Variants in PHACTR2 observed in about 807,000 individuals in gnomAD.
PHACTR2 encodes phosphatase and actin regulator 2, also known as chromosome 6 open reading frame 56.
PHACTR2 carries 30 observed loss-of-function variants against 76.0 expected under a neutral mutation model. That is an observed-to-expected ratio of 0.39 (90% CI 0.30 to 0.54). The LOEUF (loss-of-function observed/expected upper bound fraction) is 0.54. PHACTR2 is among the 20% of genes least tolerant of loss of function. The probability of loss-of-function intolerance (pLI) is 0.61; values close to 1 mark genes in which losing one functional copy is unlikely to be tolerated. For synonymous variants in PHACTR2, 292 were observed against 292.5 expected, an observed-to-expected ratio of 1.00 and a Z score of 0.02; for missense variants, 696 against 781.1, an observed-to-expected ratio of 0.89 and a Z score of 1.30.
At chr6:143,569,199 G>A (rs1341776196) in intron 1 of PHACTR2, among the ~76,000 whole-genome samples, 2 of 152,208 alleles carry the variant, frequency 1.3e-5, no homozygotes, top group African/African-American at 4.8e-5. Flanking sequence ...GAGGGAAAGA[G>A]GTGTGTTACT....
chr6:143,638,923 T>C (rs1414366452), intron 1 of PHACTR2, among the ~76,000 whole-genome samples: 1 of 152,138 alleles, frequency 6.6e-6, no homozygotes, highest in East Asian at 1.9e-4. Flanking sequence ...ATCAGTAGTT[T>C]ACAAAATTTA....
At chr6:143,608,031 C>T, upstream of PHACTR2, 1 of 471,042 alleles carries the variant, frequency 2.1e-6, no homozygotes, top group South Asian at 3.7e-5. This position sits in a 1 kb window ranked among gnomAD's most constrained non-coding sequence, Gnocchi z 4.6. Context: ...ATTTTTTTCC[C>T]CCTCCTTAGC....
In PHACTR2 at chr6:143,818,782, C is replaced by T. The variant is rs1776355675; in HGVS notation, c.1923-4892C>T. 6.6e-6 allele frequency among the ~76,000 whole-genome samples: 1 copy of T among 152,148 alleles called. No homozygotes were observed. The highest frequency in any genetic ancestry group is 2.4e-5 in the African/African-American group (1 of 41,436). On this transcript the variant is annotated intron_variant, in intron 12 of 12. Coordinates refer to ENST00000440869, the MANE Select transcript of PHACTR2 (RefSeq NM_001100164.2). The surrounding 1 kb of genome is among the most constrained non-coding windows in gnomAD (Gnocchi z 4.9). Reference sequence around the variant, plus strand: ...GAAACCACTCGCCTGATTCAATTACCTCCCACCAGGTCCCTCCCACAACAT... The same window carrying T: ...GAAACCACTCGCCTGATTCAATTACTTCCCACCAGGTCCCTCCCACAACAT...
chr6:143,811,656 A>G lies in PHACTR2; in HGVS notation c.1922+4523A>G, dbSNP rs1434143712. The stretch of plus-strand genomic sequence containing the variant: ...TGCTTAAGTATTCTTAAACCTTGGC[A>G]GTAAAGCAAATGTTACTGCTATTTT... On this transcript the variant is annotated intron_variant, in intron 12 of 12. Coordinates refer to ENST00000440869, the MANE Select transcript of PHACTR2 (RefSeq NM_001100164.2). This position sits in a 1 kb window ranked among gnomAD's most constrained non-coding sequence, Gnocchi z 4.1. Among the ~76,000 whole-genome samples, 4 of 152,228 alleles carry G rather than the reference A, an allele frequency of 2.6e-5. No homozygotes were observed. Among genetic ancestry groups the G allele is most frequent in the African/African-American group, 9.6e-5 (4 of 41,460 alleles).
chr6:143,544,628 G>A (rs1283492715), intron 1 of PHACTR2, among the ~76,000 whole-genome samples: 1 of 152,202 alleles, frequency 6.6e-6, no homozygotes, highest in African/African-American at 2.4e-5. Flanking sequence ...ACCTTCGCAT[G>A]CTTCCATTGT....
rs1775303760 is a variant in PHACTR2 at position 143,777,233 on chromosome 6, C to T, written c.1590-95C>T. On this transcript the variant is annotated intron_variant, in intron 8 of 12. Coordinates refer to ENST00000440869, the MANE Select transcript of PHACTR2 (RefSeq NM_001100164.2). The surrounding 1 kb of genome is among the most constrained non-coding windows in gnomAD (Gnocchi z 4.6). ...GCTTTAAAAATGGATTTTTATTTCT[C>T]AAAACATGAAAAATAGAGCTTTGTT... The T allele has an allele frequency of 1.5e-6, 1 of 646,776 alleles. No homozygotes were observed. Among genetic ancestry groups the T allele is most frequent in the African/African-American group, 1.9e-5 (1 of 52,828 alleles). 40.1% of individuals were successfully genotyped at this position (646,776 alleles called of 1,614,324 possible). A position where few individuals can be genotyped will look rare whatever the true frequency, so the allele number is the denominator to read the frequency against.
chr6:143,755,393 C>T lies in PHACTR2; in HGVS notation c.454+1481C>T. On this transcript the variant is annotated intron_variant, in intron 4 of 12. Coordinates refer to ENST00000440869, the MANE Select transcript of PHACTR2 (RefSeq NM_001100164.2). The surrounding 1 kb of genome is among the most constrained non-coding windows in gnomAD (Gnocchi z 5.2). Reference sequence around the variant, plus strand: ...ATCCTGCATTACGTAACAGTGCCATCTCTGGTGCCTGGTCCGTGCAGGGTA... The same window carrying T: ...ATCCTGCATTACGTAACAGTGCCATTTCTGGTGCCTGGTCCGTGCAGGGTA... 4.4e-6 allele frequency: 2 copies of T among 456,076 alleles called. No individual in the cohort carries two copies. The highest frequency in any genetic ancestry group is 1.5e-5 in the South Asian group (1 of 64,564). 28.3% of individuals were successfully genotyped at this position (456,076 alleles called of 1,614,324 possible).
rs1286461226 is a variant in PHACTR2, at chr6:143,710,957, G to T, written c.47-1059G>T. 3 of 469,846 alleles carry T rather than the reference G, an allele frequency of 6.4e-6. No homozygotes were observed. The highest frequency in any genetic ancestry group is 1.2e-5 in the Non-Finnish European group (3 of 240,852). The allele number at this position is 469,846 out of a possible 1,614,324, so 29.1% of individuals were successfully genotyped here. ...ATCTATCCAGTTATTATTTTTGACG[G>T]ACATCAGTACACTTCACCTCTAAAC... On this transcript the variant is annotated intron_variant, in intron 1 of 12. Transcript: ENST00000440869. This position sits in a 1 kb window ranked among gnomAD's most constrained non-coding sequence, Gnocchi z 4.9.
chr6:143,700,329 C>T lies in PHACTR2; in HGVS notation c.47-11687C>T, dbSNP rs570302298. Among the ~76,000 whole-genome samples, 3 of 152,140 alleles carry T rather than the reference C, an allele frequency of 2.0e-5. No homozygotes were observed. Among genetic ancestry groups the T allele is most frequent in the East Asian group, 1.9e-4 (1 of 5,176 alleles). ...AAACACTTTGGGAGGCTGAGGTGGG[C>T]GGATCACTTGAGCTTAGGAGTTTGA... On this transcript the variant is annotated intron_variant, in intron 1 of 12. Coordinates refer to ENST00000440869, the MANE Select transcript of PHACTR2 (RefSeq NM_001100164.2). The surrounding 1 kb of genome is among the most constrained non-coding windows in gnomAD (Gnocchi z 4.1).
At chr6:143,711,798 G>A (rs772262526) in intron 1 of PHACTR2, 6 of 722,664 alleles carry the variant, frequency 8.3e-6, no homozygotes, top group South Asian at 8.2e-5. Flanking sequence ...CTTCTAGTCT[G>A]TTTCCCCAGA....
At chr6:143,812,153 G>C (rs940569194) in intron 12 of PHACTR2, among the ~76,000 whole-genome samples, 12 of 152,104 alleles carry the variant, frequency 7.9e-5, no homozygotes, top group African/African-American at 2.4e-4. Context: ...TGATGTACTG[G>C]TGTACAATGG....
chr6:143,642,973 C>T (rs1663724229), intron 1 of PHACTR2, among the ~76,000 whole-genome samples: 1 of 152,158 alleles, frequency 6.6e-6, no homozygotes, highest in Non-Finnish European at 1.5e-5. Context: ...TATTAATTTG[C>T]TTGGAAGTTG....
At chr6:143,604,947 G>A (rs1028952703), upstream of PHACTR2, among the ~76,000 whole-genome samples, 1 of 150,438 alleles carries the variant, frequency 6.6e-6, no homozygotes, top group East Asian at 1.9e-4. Context: ...AGGGAGCCAA[G>A]ACATTATCTT....
intron 1 of PHACTR2, among the ~76,000 whole-genome samples, chr6:143,692,272 G>GT (rs1010980763): frequency 6.6e-6 from 1 of 152,116 alleles, no homozygotes; most frequent in African/African-American, 2.4e-5. Context: ...GGGATTTTGT[G>GT]TTTTTCAAAA....
At chr6:143,631,712 T>G (rs925060358) in intron 1 of PHACTR2, among the ~76,000 whole-genome samples, 4 of 152,210 alleles carry the variant, frequency 2.6e-5, no homozygotes, top group Non-Finnish European at 4.4e-5. Context: ...AAGTTCAGTC[T>G]GCAGTCTGGT....
At chr6:143,560,916 T>C (rs1193311898) in intron 1 of PHACTR2, among the ~76,000 whole-genome samples, 1 of 150,912 alleles carries the variant, frequency 6.6e-6, no homozygotes, top group Non-Finnish European at 1.5e-5. Flanking sequence ...TGTGTGTGTG[T>C]GTGTGTGTGT....
rs1441582911 is a variant in PHACTR2 at position 143,628,922 on chromosome 6, GAGATATATATATATATATATATAT to G, written c.13+20602_13+20625del. ...AAAGAAGATGAATGTTTAAATGCAG[GAGATATATATATATATATATATAT>G]ATATATATATATATATATATATATA... On this transcript the variant is annotated intron_variant, in intron 1 of 11. Transcript: ENST00000305766. 3.1e-3 allele frequency among the ~76,000 whole-genome samples: 326 copies of G among 104,496 alleles called. 12 individuals carry two copies. The highest frequency in any genetic ancestry group is 0.01 in the African/African-American group (260 of 25,614). The allele number at this position is 104,496 out of a possible 152,430, so 68.6% of individuals were successfully genotyped here.
intron 1 of PHACTR2, among the ~76,000 whole-genome samples, chr6:143,563,387 AC>A (rs1336653566): frequency 1.0e-5 from 1 of 99,510 alleles, no homozygotes; most frequent in Non-Finnish European, 2.3e-5. Flanking sequence ...ACATGGTGAA[AC>A]CGCATCTCTA....
Position 143,580,521 on chromosome 6 carries a change from C to A in PHACTR2, c.217+43314C>A, listed in dbSNP as rs11961765. 0.3 allele frequency among the ~76,000 whole-genome samples: 44,728 copies of A among 150,822 alleles called. 6,638 individuals carry two copies. Among genetic ancestry groups the A allele is most frequent in the South Asian group, 0.41 (1,948 of 4,772 alleles). On this transcript the variant is annotated intron_variant, in intron 1 of 11. Transcript: ENST00000367584. This position sits in a 1 kb window ranked among gnomAD's most constrained non-coding sequence, Gnocchi z 4.2. ...AACAAAACAAAACAAAAAATACAAACAATTAGCTGGGCGTGGTGGCACACA... is the reference window on the plus strand; with the variant it reads ...AACAAAACAAAACAAAAAATACAAAAAATTAGCTGGGCGTGGTGGCACACA...
Sources: gnomAD v4.1 joint callset for allele counts (sites outside exome capture counted in the v4.1 genomes callset) on GRCh38, gnomAD v4.1.1 for gene constraint, Gnocchi (gnomAD v3.1) non-coding constraint, MANE v1.5 for transcripts, NCBI Gene and HGNC (gene_info 2026-07-23, HGNC 2026-07-21) for gene names.